Variants in EPHA4 observed in about 807,000 individuals in gnomAD.
EPHA4 encodes the protein EPH receptor A4.
Under a neutral mutation model 108.3 loss-of-function variants are expected in EPHA4, and 19 were observed. That is an observed-to-expected ratio of 0.18 (90% CI 0.12 to 0.26). EPHA4 has a LOEUF of 0.26. EPHA4 is among the 10% of genes least tolerant of loss of function. The probability of loss-of-function intolerance (pLI) is 1.00; values close to 1 mark genes in which losing one functional copy is unlikely to be tolerated. For synonymous variants in EPHA4, 449 were observed against 455.5 expected, an observed-to-expected ratio of 0.99 and a Z score of 0.18; for missense variants, 917 against 1,254.0, an observed-to-expected ratio of 0.73 and a Z score of 4.06.
At chr2:221,548,342 G>T (rs888810370) in intron 3 of EPHA4, among the ~76,000 whole-genome samples, 4 of 151,472 alleles carry the variant, frequency 2.6e-5, no homozygotes, top group African/African-American at 9.7e-5. Flanking sequence ...CCAGCCTGGC[G>T]ACAGAGCGAG....
At chr2:221,567,769 C>T (rs6740923) in intron 2 of EPHA4, among the ~76,000 whole-genome samples, 21,832 of 152,140 alleles carry the variant, frequency 0.14, 2,107 homozygotes, top group East Asian at 0.35. Flanking sequence ...GTGGAGCCCA[C>T]GCCAGGTTCT....
chr2:221,529,455 G>A (rs182129302), intron 3 of EPHA4, among the ~76,000 whole-genome samples: 114 of 152,218 alleles, frequency 7.5e-4, no homozygotes, highest in African/African-American at 2.6e-3. Flanking sequence ...ACCTAAACAC[G>A]CTGACTTGTA....
Position 221,482,373 on chromosome 2 carries a change from T to C in EPHA4, c.1297A>G (p.Thr433Ala), listed in dbSNP as rs537001502. The C allele has an allele frequency of 3.3e-5, 53 of 1,605,740 alleles. No homozygotes were observed. In the South Asian group the frequency reaches 4.7e-4, roughly 14 times the overall value. ...NPNPDQSVSVTVTTNQAAPSS... is the reference protein window; with the variant it reads ...NPNPDQSVSVAVTTNQAAPSS... ...CTACCTGCTTGGTTGGTGGTCACAG[T>C]GACAGAAACTGATTGGTCTGGGTTA... Residue 433 changes from threonine (T) to alanine (A), a missense_variant, in exon 5 of 18, where the codon ACT (threonine) becomes GCT (alanine). Physicochemically the swap from Thr to Ala is moderately conservative, Grantham distance 58. This residue lies in a region of EPHA4 where 758 missense variants were observed against 1,076.7 expected (regional missense o/e 0.70). Coordinates refer to ENST00000281821, the MANE Select transcript of EPHA4 (RefSeq NM_004438.5).
intron 4 of EPHA4, 134 bp downstream of exon 4, chr2:221,500,883 G>T: frequency 9.5e-7 from 1 of 1,048,084 alleles, no homozygotes. Flanking sequence ...CCCCTGCTAT[G>T]ATTGAGAAAG....
At position 221,426,031 on chromosome 2, in the gene EPHA4, G is replaced by C; in HGVS notation, c.2958C>G (p.Val986=). The C allele has an allele frequency of 6.2e-7, 1 of 1,613,834 alleles. No individual in the cohort carries two copies. The highest frequency in any genetic ancestry group is 8.5e-7 in the Non-Finnish European group (1 of 1,179,788). The change falls in exon 17 of 18, where the codon GTC becomes GTG. Residue 986 remains valine (V), a synonymous_variant. Coordinates refer to ENST00000281821, the MANE Select transcript of EPHA4 (RefSeq NM_004438.5). The stretch of plus-strand genomic sequence containing the variant: ...TTTGAGTTTATTCAGTACTGGCTCA[G>C]ACGGGAACCATTCTGCCGTGCATCT... ...MQQMHGRMVP[V]
chr2:221,483,500 T>TTG (rs58143142), intron 4 of EPHA4, among the ~76,000 whole-genome samples: 19,902 of 143,496 alleles, frequency 0.14, 1,330 homozygotes, highest in East Asian at 0.16. Flanking sequence ...TGATGTAGAT[T>TTG]TGTGTGTGTG....
intron 11 of EPHA4, chr2:221,437,541 ACTT>A (rs1352937893): frequency 6.4e-6 from 1 of 155,190 alleles, no homozygotes; most frequent in Non-Finnish European, 1.4e-5. Context: ...TAGGCAATAA[ACTT>A]CTTTATTTAG....
At chr2:221,505,385 G>T (rs1464875186) in intron 3 of EPHA4, among the ~76,000 whole-genome samples, 1 of 151,848 alleles carries the variant, frequency 6.6e-6, no homozygotes. Context: ...GAGTGCAATG[G>T]TGTGGCCTCA....
At chr2:221,516,076 C>G (rs1366127554) in intron 3 of EPHA4, among the ~76,000 whole-genome samples, 2 of 151,974 alleles carry the variant, frequency 1.3e-5, no homozygotes, top group Non-Finnish European at 2.9e-5. Context: ...TTCCTCAAGG[C>G]TGTGTTAAGG....
rs1307731541 is a variant in EPHA4 at position 221,572,185 on chromosome 2, C to A, written c.64G>T (p.Gly22Cys). ...CLFGICDAVT[G>C]SRVYPANEVT... Reference sequence around the variant, plus strand: ...TCATTCGCGGGGTATACCCTGGAACCTGTGACAGCGTCGCAAATCCCGAAG... The same window carrying A: ...TCATTCGCGGGGTATACCCTGGAACATGTGACAGCGTCGCAAATCCCGAAG... The change falls in exon 1 of 18, where the codon GGT (glycine) becomes TGT (cysteine). Residue 22 changes from glycine to cysteine, a missense_variant. Around this residue, in one of 3 missense-constraint regions of EPHA4, gnomAD observed 758 missense variants for 1,076.7 expected, o/e 0.70. Coordinates refer to ENST00000281821, the MANE Select transcript of EPHA4 (RefSeq NM_004438.5). 1.2e-6 allele frequency: 2 copies of A among 1,614,032 alleles called. No homozygotes were observed. The highest frequency in any genetic ancestry group is 2.7e-5 in the African/African-American group (2 of 74,942).
rs1171141448 is a variant in EPHA4 at position 221,420,477 on chromosome 2, G to A, written c.*895C>T. 1.3e-5 allele frequency: 2 copies of A among 152,598 alleles called. No homozygotes were observed. Among genetic ancestry groups the A allele is most frequent in the Non-Finnish European group, 2.9e-5 (2 of 68,050 alleles). 9.5% of individuals were successfully genotyped at this position (152,598 alleles called of 1,614,324 possible). A position where few individuals can be genotyped will look rare whatever the true frequency, so the allele number is the denominator to read the frequency against. ...AACACATTTAGACGGAACTGAGGAGGGTGTGTTCTGTTTTCTTCCACGGGC... is the reference window on the plus strand; with the variant it reads ...AACACATTTAGACGGAACTGAGGAGAGTGTGTTCTGTTTTCTTCCACGGGC... On this transcript the variant is annotated 3_prime_UTR_variant, in exon 18 of 18. Coordinates refer to ENST00000281821, the MANE Select transcript of EPHA4 (RefSeq NM_004438.5).
Position 221,443,399 on chromosome 2 carries a change from A to AAT in EPHA4, c.1888+92_1888+93dup, listed in dbSNP as rs3835974. On this transcript the variant is annotated intron_variant, in intron 10 of 17. Transcript: ENST00000281821. ...AAATTTCATGTATATACACACATAT[A>AAT]ATATACTCACAAAAGCATTTATGTA... 8,263 of 899,958 alleles carry AAT rather than the reference A, an allele frequency of 9.2e-3. 473 individuals are homozygous for AAT. The highest frequency in any genetic ancestry group is 0.087 in the Admixed American group (3,968 of 45,784). The allele number at this position is 899,958 out of a possible 1,614,324, so 55.7% of individuals were successfully genotyped here.
chr2:221,432,004 AAC>A (rs1690090827), intron 14 of EPHA4, among the ~76,000 whole-genome samples: 1 of 152,162 alleles, frequency 6.6e-6, no homozygotes, highest in Non-Finnish European at 1.5e-5. Flanking sequence ...CATAGAATCC[AAC>A]ACAGAGACAA....
At chr2:221,483,161 C>T (rs895010437) in intron 4 of EPHA4, among the ~76,000 whole-genome samples, 2 of 152,154 alleles carry the variant, frequency 1.3e-5, no homozygotes, top group African/African-American at 4.8e-5. Context: ...ATTAACAGAA[C>T]TGTAGAAATG....
At chr2:221,527,141 T>G (rs1450444754) in intron 3 of EPHA4, among the ~76,000 whole-genome samples, 1 of 151,990 alleles carries the variant, frequency 6.6e-6, no homozygotes, top group Non-Finnish European at 1.5e-5. Context: ...AAAAAGAATC[T>G]GAATCTACTA....
At chr2:221,468,952 T>C (rs1691397145) in intron 5 of EPHA4, among the ~76,000 whole-genome samples, 1 of 152,196 alleles carries the variant, frequency 6.6e-6, no homozygotes. Flanking sequence ...TATAGGGAAA[T>C]CCAAATCATC....
At chr2:221,428,112 C>T (rs1689966041) in intron 15 of EPHA4, among the ~76,000 whole-genome samples, 2 of 152,108 alleles carry the variant, frequency 1.3e-5, no homozygotes, top group Non-Finnish European at 1.5e-5. Flanking sequence ...GGATATATAG[C>T]AATAATATTT....
At chr2:221,566,896 G>GAGAA (rs1694663728) in intron 2 of EPHA4, among the ~76,000 whole-genome samples, 1 of 35,250 alleles carries the variant, frequency 2.8e-5, no homozygotes, top group South Asian at 9.0e-4. Flanking sequence ...GAAGGAGAAG[G>GAGAA]AGAAGGAGAA....
chr2:221,436,211 T>C (rs1690230582), intron 13 of EPHA4, among the ~76,000 whole-genome samples, 188 bp downstream of exon 13: 1 of 152,216 alleles, frequency 6.6e-6, no homozygotes, highest in Non-Finnish European at 1.5e-5. Flanking sequence ...GTCATACATC[T>C]ACAGTCAGCT....
Sources: gnomAD v4.1 joint callset for allele counts (sites outside exome capture counted in the v4.1 genomes callset) on GRCh38, gnomAD v4.1.1 for gene constraint, gnomAD v4.1.1 regional missense constraint, MANE v1.5 for transcripts, NCBI Gene and HGNC (gene_info 2026-07-23, HGNC 2026-07-21) for gene names.